DLGAP1: variants seen among roughly 807,000 people sequenced by gnomAD.
The protein encoded by DLGAP1 is DLG associated protein 1, also known as disks large-associated protein 1.
Under a neutral mutation model 90.8 loss-of-function variants are expected in DLGAP1, and 11 were observed. The observed-to-expected ratio is 0.12, with a 90% CI of 0.08 to 0.20. The LOEUF (loss-of-function observed/expected upper bound fraction) is 0.20, where lower values mean the gene tolerates loss of function less well. DLGAP1 is among the 10% of genes least tolerant of loss of function. The probability of loss-of-function intolerance (pLI) is 1.00; values close to 1 mark genes in which losing one functional copy is unlikely to be tolerated. For missense variants in DLGAP1, 1,050 were observed against 1,333.8 expected (o/e 0.79, Z 3.31); for synonymous variants, 558 against 540.7 (o/e 1.03, Z -0.44).
At chr18:4,399,756 C>T (rs1270267825) in intron 1 of DLGAP1, among the ~76,000 whole-genome samples, 2 of 152,134 alleles carry the variant, frequency 1.3e-5, no homozygotes, top group East Asian at 1.9e-4. Context: ...TAGAGAGAGA[C>T]ATCTATTGGA....
intron 5 of DLGAP1, among the ~76,000 whole-genome samples, chr18:3,800,397 A>G (rs1013294258): frequency 1.3e-5 from 2 of 152,214 alleles, no homozygotes; most frequent in South Asian, 2.1e-4. Context: ...CCATTCAACT[A>G]GGGAAGTGGT....
chr18:4,132,412 T>G (rs1035427742), intron 2 of DLGAP1, among the ~76,000 whole-genome samples: 1 of 152,110 alleles, frequency 6.6e-6, no homozygotes, highest in African/African-American at 2.4e-5. Flanking sequence ...TAAACTATGG[T>G]GTCTATGGGT....
intron 5 of DLGAP1, among the ~76,000 whole-genome samples, chr18:3,744,827 T>C (rs1442964399): frequency 6.6e-6 from 1 of 152,240 alleles, no homozygotes; most frequent in Non-Finnish European, 1.5e-5. Context: ...ATTACAGGCA[T>C]AAGCCACTGC....
At position 4,134,564 on chromosome 18, in the gene DLGAP1, C is replaced by T. The variant is rs542706686; in HGVS notation, c.-159+16616G>A. ...TTAATACCAATGCATATGTTATTTA[C>T]CAGTAATTTTTCTTAAATAAAAATG... On this transcript the variant is annotated intron_variant, in intron 2 of 12. Transcript: ENST00000315677. Among the ~76,000 whole-genome samples, 13 of 152,126 alleles carry T rather than the reference C, an allele frequency of 8.5e-5. 1 individual carries two copies. In the East Asian group the frequency reaches 2.5e-3, roughly 29 times the overall value.
chr18:3,508,601 T>C lies in DLGAP1; in HGVS notation c.2540A>G (p.Tyr847Cys). The C allele has an allele frequency of 6.2e-7, 1 of 1,613,970 alleles. No homozygotes were observed. Among genetic ancestry groups the C allele is most frequent in the East Asian group, 2.2e-5 (1 of 44,870 alleles). Reference sequence around the variant, plus strand: ...TTCTTCACACAGTTCTCTGAACTGGTAGAATTTCTGGGCCATGAGAAGTTG... The same window carrying C: ...TTCTTCACACAGTTCTCTGAACTGGCAGAATTTCTGGGCCATGAGAAGTTG... ...SAQLLMAQKF[Y>C]QFRELCEENL... Residue 847 changes from tyrosine (Y) to cysteine (C), a missense_variant, in exon 11 of 13, where the codon TAC becomes TGC. Tyr to Cys is a radical substitution (Grantham distance 194). Transcript: ENST00000315677.
chr18:4,195,389 C>A (rs1343157332), intron 1 of DLGAP1, among the ~76,000 whole-genome samples: 2 of 152,150 alleles, frequency 1.3e-5, no homozygotes, highest in Admixed American at 6.5e-5. Flanking sequence ...GAGTAAGCTC[C>A]AGCTGCAGTA....
At chr18:3,834,695 C>T (rs2068270291) in intron 4 of DLGAP1, among the ~76,000 whole-genome samples, 1 of 152,094 alleles carries the variant, frequency 6.6e-6, no homozygotes, top group Non-Finnish European at 1.5e-5. Flanking sequence ...TGATGGCTGC[C>T]TTTGGTTAAA....
At chr18:4,350,315 CAT>C (rs1327449348) in intron 1 of DLGAP1, among the ~76,000 whole-genome samples, 6 of 152,098 alleles carry the variant, frequency 3.9e-5, no homozygotes, top group African/African-American at 1.4e-4. Context: ...ATATTTTTAA[CAT>C]ATGTGTACCA....
At chr18:3,956,547 GC>G (rs1000655160) in intron 3 of DLGAP1, among the ~76,000 whole-genome samples, 94 of 151,956 alleles carry the variant, frequency 6.2e-4, no homozygotes, top group African/African-American at 2.2e-3. Flanking sequence ...ATGGGTTTTC[GC>G]CGTGTTAGCC....
intron 3 of DLGAP1, among the ~76,000 whole-genome samples, chr18:3,907,686 C>A (rs1269789405): frequency 6.6e-6 from 1 of 152,112 alleles, no homozygotes; most frequent in Admixed American, 6.6e-5. Flanking sequence ...CAGGTACACC[C>A]ACTTCAAGAT....
At chr18:4,075,939 T>C (rs543546891) in intron 2 of DLGAP1, among the ~76,000 whole-genome samples, 64 of 152,290 alleles carry the variant, frequency 4.2e-4, no homozygotes, top group African/African-American at 1.4e-3. Flanking sequence ...ATGGAGCTTA[T>C]TGTCAGTCCT....
chr18:3,554,782 C>G (rs2053658662), intron 9 of DLGAP1, among the ~76,000 whole-genome samples: 1 of 151,682 alleles, frequency 6.6e-6, no homozygotes, highest in Admixed American at 6.6e-5. Context: ...CTTAATAGAT[C>G]AATCAGTTAG....
chr18:4,347,892 A>G (rs1399003417), intron 1 of DLGAP1, among the ~76,000 whole-genome samples: 1 of 142,200 alleles, frequency 7.0e-6, no homozygotes, highest in East Asian at 2.1e-4. Context: ...ATGATATGAT[A>G]CCTGAAAAAC....
At chr18:4,255,959 CAA>C (rs1156985144) in intron 1 of DLGAP1, among the ~76,000 whole-genome samples, 1 of 152,038 alleles carries the variant, frequency 6.6e-6, no homozygotes, top group East Asian at 1.9e-4. Flanking sequence ...CCACCCTAAC[CAA>C]GTTTCTTTTA....
chr18:3,731,893 A>G (rs894413126), intron 6 of DLGAP1, among the ~76,000 whole-genome samples: 11 of 152,068 alleles, frequency 7.2e-5, no homozygotes, highest in Admixed American at 3.3e-4. Context: ...AGCCCTCCAC[A>G]TGCCCCCATA....
intron 2 of DLGAP1, among the ~76,000 whole-genome samples, chr18:4,134,918 A>G (rs368675224): frequency 6.6e-5 from 10 of 152,194 alleles, no homozygotes; most frequent in East Asian, 5.8e-4. Flanking sequence ...TCTACAGTGG[A>G]TCTTCCAAGA....
chr18:4,096,106 G>C (rs1045772355), intron 2 of DLGAP1, among the ~76,000 whole-genome samples: 30 of 152,272 alleles, frequency 2.0e-4, no homozygotes, highest in African/African-American at 7.0e-4. Context: ...GCTCACTGCA[G>C]TCTCCGCCTT....
chr18:4,366,814 T>A (rs528209848), intron 1 of DLGAP1, among the ~76,000 whole-genome samples: 1 of 152,094 alleles, frequency 6.6e-6, no homozygotes, highest in African/African-American at 2.4e-5. Context: ...GAAACATTTC[T>A]AGAGCATATC....
intron 1 of DLGAP1, among the ~76,000 whole-genome samples, chr18:4,341,874 GA>G (rs1345273985): frequency 6.6e-6 from 1 of 151,902 alleles, no homozygotes; most frequent in Non-Finnish European, 1.5e-5. Context: ...AATGATGAAA[GA>G]TAGCTTTGAA....
Sources: gnomAD v4.1 joint callset for allele counts (sites outside exome capture counted in the v4.1 genomes callset) on GRCh38, gnomAD v4.1.1 for gene constraint, MANE v1.5 for transcripts, NCBI Gene and HGNC (gene_info 2026-07-23, HGNC 2026-07-21) for gene names.